Variants in NIPBL observed in about 807,000 individuals in gnomAD.
The protein encoded by NIPBL is NIPBL cohesin loading factor.
Under a neutral mutation model 321.8 loss-of-function variants are expected in NIPBL, and 19 were observed. The ratio of observed to expected loss-of-function variants is 0.06; its 90% CI spans 0.04 to 0.09. The LOEUF (loss-of-function observed/expected upper bound fraction) is 0.09, where lower values mean the gene tolerates loss of function less well. Ranked by LOEUF, NIPBL falls within the 10% of genes least tolerant of loss-of-function variation. The probability of loss-of-function intolerance (pLI) is 1.00; values close to 1 mark genes in which losing one functional copy is unlikely to be tolerated. For synonymous variants in NIPBL, 1,106 were observed against 1,114.1 expected (o/e 0.99, Z 0.14); for missense variants, 2,210 against 3,327.0 (o/e 0.66, Z 8.26).
chr5:37,029,293 G>T (rs1220214542), intron 32 of NIPBL, among the ~76,000 whole-genome samples: 1 of 152,100 alleles, frequency 6.6e-6, no homozygotes, highest in Non-Finnish European at 1.5e-5. Context: ...CACTGTAGTT[G>T]TACCTTTTCA....
At chr5:37,046,900 TG>T (rs1386366473) in intron 38 of NIPBL, among the ~76,000 whole-genome samples, 2 of 152,212 alleles carry the variant, frequency 1.3e-5, no homozygotes, top group African/African-American at 4.8e-5. Context: ...TTGTTTTTTT[TG>T]GTACAAATAC....
intron 44 of NIPBL, 30 bp downstream of exon 44, chr5:37,059,195 A>G (rs1263488006): frequency 1.2e-6 from 2 of 1,610,318 alleles, no homozygotes. Context: ...GAGAGAAAAA[A>G]CTTCACTCTG....
intron 1 of NIPBL, chr5:36,886,410 GCA>G (rs1745909609): frequency 2.7e-6 from 2 of 736,612 alleles, no homozygotes; most frequent in Non-Finnish European, 5.0e-6. Context: ...GCAACTCCAT[GCA>G]AACTATCCAA....
At chr5:36,947,532 C>T (rs980399608) in intron 1 of NIPBL, among the ~76,000 whole-genome samples, 2 of 151,972 alleles carry the variant, frequency 1.3e-5, no homozygotes, top group African/African-American at 4.8e-5. Context: ...TGGCCATATG[C>T]TCTGTCTAAA....
chr5:36,919,781 A>G (rs913925967), intron 1 of NIPBL, among the ~76,000 whole-genome samples: 2 of 152,174 alleles, frequency 1.3e-5, no homozygotes, highest in Non-Finnish European at 2.9e-5. Context: ...TTGAACATAG[A>G]GATTCTTATT....
intron 14 of NIPBL, 75 bp downstream of exon 14, chr5:37,001,153 C>G: frequency 2.1e-6 from 2 of 966,646 alleles, no homozygotes; most frequent in Non-Finnish European, 1.7e-6. Context: ...CTCAGTTACT[C>G]TAGTGATGTG....
chr5:37,053,015 C>T (rs6868809), intron 42 of NIPBL, among the ~76,000 whole-genome samples: 18,282 of 152,130 alleles, frequency 0.12, 1,263 homozygotes, highest in Admixed American at 0.19. Context: ...GTAGTCCTCC[C>T]TTATCATTAA....
In NIPBL at chr5:37,065,320, G is replaced by C. The variant is rs1755267198; in HGVS notation, c.*428G>C. 5.3e-6 allele frequency: 1 copy of C among 188,142 alleles called. No homozygotes were observed. Among genetic ancestry groups the C allele is most frequent in the South Asian group, 9.8e-5 (1 of 10,218 alleles). 11.7% of individuals were successfully genotyped at this position (188,142 alleles called of 1,614,324 possible). A position where few individuals can be genotyped will look rare whatever the true frequency, so the allele number is the denominator to read the frequency against. On this transcript the variant is annotated 3_prime_UTR_variant, in exon 47 of 47. Coordinates refer to ENST00000282516, the MANE Select transcript of NIPBL (RefSeq NM_133433.4). ...GGCTGTAAAATGGCAGAATCTCCTG[G>C]ATATATAATTTATTCTGTTGAAAAA...
intron 30 of NIPBL, 96 bp downstream of exon 30, chr5:37,024,815 C>T (rs1750069871): frequency 4.3e-6 from 4 of 923,152 alleles, no homozygotes; most frequent in Non-Finnish European, 3.3e-6. Context: ...TATCCAAACA[C>T]TTTACAATGA....
chr5:36,963,084 C>T (rs748667770), intron 6 of NIPBL, among the ~76,000 whole-genome samples: 16 of 151,974 alleles, frequency 1.1e-4, no homozygotes, highest in Non-Finnish European at 2.4e-4. Context: ...TACTTGATTA[C>T]TAGTTCTTAA....
chr5:36,982,778 T>C (rs1744292274), intron 9 of NIPBL, among the ~76,000 whole-genome samples: 1 of 151,888 alleles, frequency 6.6e-6, no homozygotes, highest in African/African-American at 2.4e-5. Flanking sequence ...CTCTAAGCTA[T>C]GTTAATGTTT....
intron 1 of NIPBL, among the ~76,000 whole-genome samples, chr5:36,920,839 T>G (rs75318946): frequency 2.0e-5 from 3 of 151,864 alleles, no homozygotes; most frequent in Non-Finnish European, 4.4e-5. Context: ...TTTTTTTTTT[T>G]CAAAGACTGC....
At chr5:37,053,326 A>C (rs1015329192) in intron 42 of NIPBL, among the ~76,000 whole-genome samples, 6 of 149,120 alleles carry the variant, frequency 4.0e-5, no homozygotes, top group Non-Finnish European at 8.9e-5. Context: ...AGGTACAGTA[A>C]AAATATGATA....
At chr5:37,048,434 CAT>C (rs973946403) in intron 38 of NIPBL, 66 bp from the exon 39 acceptor site, 18 of 899,600 alleles carry the variant, frequency 2.0e-5, no homozygotes, top group Admixed American at 3.0e-5. Context: ...AATTTATTAA[CAT>C]ATTTATTAAA....
At chr5:36,928,439 A>G (rs1749527808) in intron 1 of NIPBL, among the ~76,000 whole-genome samples, 1 of 152,216 alleles carries the variant, frequency 6.6e-6, no homozygotes, top group Non-Finnish European at 1.5e-5. Context: ...TATGTACAAT[A>G]AATGTTTTTA....
Position 36,879,591 on chromosome 5 carries a change from T to A in NIPBL, c.-80+2413T>A, listed in dbSNP as rs114633745. Reference sequence around the variant, plus strand: ...TTGTTTCCCTAAAGAGTGTAGAGTGTTCTGCTTCCCCTCTGTTGGTTGGAA... The same window carrying A: ...TTGTTTCCCTAAAGAGTGTAGAGTGATCTGCTTCCCCTCTGTTGGTTGGAA... On this transcript the variant is annotated intron_variant, in intron 1 of 46. Transcript: ENST00000282516. 8.3e-3 allele frequency among the ~76,000 whole-genome samples: 1,260 copies of A among 152,242 alleles called. 11 individuals carry two copies. Among genetic ancestry groups the A allele is most frequent in the African/African-American group, 0.029 (1,197 of 41,562 alleles).
At chr5:36,909,292 C>T (rs1023664209) in intron 1 of NIPBL, among the ~76,000 whole-genome samples, 52 of 152,262 alleles carry the variant, frequency 3.4e-4, no homozygotes, top group African/African-American at 1.1e-3. Flanking sequence ...AGGTTAATTT[C>T]ATGTCATAGT....
At chr5:36,889,733 G>T (rs1017511102) in intron 1 of NIPBL, among the ~76,000 whole-genome samples, 4 of 152,030 alleles carry the variant, frequency 2.6e-5, no homozygotes, top group Non-Finnish European at 5.9e-5. Context: ...CACAGTTTTA[G>T]TGTGTTTTAT....
At chr5:37,011,175 T>G (rs1748075999) in intron 21 of NIPBL, among the ~76,000 whole-genome samples, 1 of 152,218 alleles carries the variant, frequency 6.6e-6, no homozygotes, top group Non-Finnish European at 1.5e-5. Context: ...AACAAAAGTT[T>G]AAGAGAAACA....
Sources: gnomAD v4.1 joint callset for allele counts (sites outside exome capture counted in the v4.1 genomes callset) on GRCh38, gnomAD v4.1.1 for gene constraint, MANE v1.5 for transcripts, NCBI Gene and HGNC (gene_info 2026-07-23, HGNC 2026-07-21) for gene names.